Variants in MAGI2 observed in about 807,000 individuals in gnomAD.
The protein encoded by MAGI2 is membrane-associated guanylate kinase, WW and PDZ domain-containing protein 2.
In MAGI2, 35 loss-of-function variants were observed where a neutral mutation model predicts 133.3. The ratio of observed to expected loss-of-function variants is 0.26; its 90% CI spans 0.20 to 0.35. MAGI2 has a LOEUF of 0.35. Among genes scored for constraint, MAGI2 ranks in the 10% least tolerant of loss-of-function variants. MAGI2 has a pLI of 1.00. For synonymous variants in MAGI2, 729 were observed against 710.6 expected, an observed-to-expected ratio of 1.03 and a Z score of -0.41; for missense variants, 1,636 against 1,863.4, an observed-to-expected ratio of 0.88 and a Z score of 2.25.
intron 2 of MAGI2, among the ~76,000 whole-genome samples, chr7:78,985,805 C>A (rs867536419): frequency 6.6e-6 from 1 of 152,008 alleles, no homozygotes; most frequent in Non-Finnish European, 1.5e-5. Context: ...TAAGTCATGG[C>A]AGAATAATTA....
intron 2 of MAGI2, among the ~76,000 whole-genome samples, chr7:78,781,557 G>A (rs566964974): frequency 3.3e-5 from 5 of 152,020 alleles, no homozygotes; most frequent in African/African-American, 1.2e-4. Context: ...TATTGAGGGA[G>A]AAAATGGGAA....
intron 3 of MAGI2, among the ~76,000 whole-genome samples, chr7:78,552,249 T>G (rs950386116): frequency 1.4e-5 from 2 of 144,458 alleles, no homozygotes; most frequent in Non-Finnish European, 3.0e-5. Context: ...AATGGCGCGA[T>G]CTCAGCTCAC....
chr7:79,409,019 A>G (rs931677796), intron 1 of MAGI2, among the ~76,000 whole-genome samples: 1 of 152,140 alleles, frequency 6.6e-6, no homozygotes, highest in Non-Finnish European at 1.5e-5. Context: ...GATTTATTTC[A>G]GACATAAATC....
intron 4 of MAGI2, among the ~76,000 whole-genome samples, chr7:78,515,685 G>A (rs565780598): frequency 1.3e-5 from 2 of 152,310 alleles, no homozygotes; most frequent in African/African-American, 4.8e-5. Flanking sequence ...TGGATCACCT[G>A]AGGTCAGGAT....
chr7:78,115,136 G>A (rs1490106003), intron 20 of MAGI2, among the ~76,000 whole-genome samples: 2 of 152,156 alleles, frequency 1.3e-5, no homozygotes, highest in Non-Finnish European at 2.9e-5. Context: ...ACAAAAGGCA[G>A]CTTGTAGCCA....
chr7:78,634,916 T>C (rs1244561757), intron 2 of MAGI2, among the ~76,000 whole-genome samples: 2 of 152,144 alleles, frequency 1.3e-5, no homozygotes, highest in African/African-American at 2.4e-5. Flanking sequence ...TTATAATTTA[T>C]ATATTTTATT....
intron 1 of MAGI2, among the ~76,000 whole-genome samples, chr7:79,262,974 T>G (rs1002244122): frequency 1.3e-5 from 2 of 152,200 alleles, no homozygotes; most frequent in African/African-American, 4.8e-5. Context: ...CTGCCATTGA[T>G]GTAGCATTTT....
At chr7:78,278,693 T>A (rs763613063) in intron 9 of MAGI2, among the ~76,000 whole-genome samples, 59 of 152,300 alleles carry the variant, frequency 3.9e-4, no homozygotes, top group Non-Finnish European at 6.3e-4. Context: ...TCTCATCCAA[T>A]CAGTTGAAAG....
intron 2 of MAGI2, among the ~76,000 whole-genome samples, chr7:78,812,438 C>T: frequency 6.6e-6 from 1 of 152,136 alleles, no homozygotes; most frequent in East Asian, 1.9e-4. Context: ...AATCACAATG[C>T]ACACGTCTTC....
intron 1 of MAGI2, among the ~76,000 whole-genome samples, chr7:79,015,957 C>G (rs973106925): frequency 6.2e-5 from 8 of 128,864 alleles, no homozygotes; most frequent in South Asian, 2.4e-4. Context: ...GGGAACCCTG[C>G]AAAGGGAGTT....
chr7:78,777,823 C>T (rs1057182717), intron 2 of MAGI2, among the ~76,000 whole-genome samples: 5 of 152,126 alleles, frequency 3.3e-5, no homozygotes, highest in African/African-American at 1.2e-4. Flanking sequence ...ATGCTTTCTC[C>T]TTAATTAGTC....
At chr7:79,076,979 A>C (rs950517443) in intron 1 of MAGI2, among the ~76,000 whole-genome samples, 11 of 152,182 alleles carry the variant, frequency 7.2e-5, no homozygotes, top group African/African-American at 2.2e-4. Context: ...AAATTCTCAG[A>C]TTCTTTACTT....
At chr7:78,658,831 G>A (rs891286454) in intron 2 of MAGI2, among the ~76,000 whole-genome samples, 1 of 152,134 alleles carries the variant, frequency 6.6e-6, no homozygotes, top group Non-Finnish European at 1.5e-5. Context: ...TGGAGAACCT[G>A]GATCACTCAT....
At chr7:78,227,338 G>C (rs1447723706) in intron 10 of MAGI2, among the ~76,000 whole-genome samples, 1 of 152,134 alleles carries the variant, frequency 6.6e-6, no homozygotes, top group African/African-American at 2.4e-5. Flanking sequence ...GGCCCTACCG[G>C]AGGATCTGTC....
At chr7:78,768,109 T>C (rs1825214193) in intron 2 of MAGI2, among the ~76,000 whole-genome samples, 2 of 152,236 alleles carry the variant, frequency 1.3e-5, no homozygotes, top group South Asian at 2.1e-4. Flanking sequence ...CTGGTTTAAA[T>C]ATGAGTGCCA....
intron 1 of MAGI2, among the ~76,000 whole-genome samples, chr7:79,145,638 C>T (rs938509999): frequency 2.0e-5 from 3 of 152,082 alleles, no homozygotes; most frequent in Non-Finnish European, 4.4e-5. Context: ...AACCAATGCT[C>T]GTGTTCACAT....
intron 3 of MAGI2, among the ~76,000 whole-genome samples, chr7:78,611,263 TTCTTTA>T (rs1409912196): frequency 6.6e-6 from 1 of 152,218 alleles, no homozygotes; most frequent in Non-Finnish European, 1.5e-5. Flanking sequence ...GATAAAGCAT[TTCTTTA>T]TAACAGGCCA....
chr7:78,029,958 A>C (rs1036181534), intron 21 of MAGI2, among the ~76,000 whole-genome samples: 9 of 152,188 alleles, frequency 5.9e-5, no homozygotes, highest in African/African-American at 2.2e-4. Flanking sequence ...TAGGGCACTC[A>C]GTCACTTGGA....
At chr7:78,282,739 A>T (rs919300264) in intron 9 of MAGI2, among the ~76,000 whole-genome samples, 1 of 152,090 alleles carries the variant, frequency 6.6e-6, no homozygotes, top group African/African-American at 2.4e-5. Context: ...GGGTGATTCA[A>T]CTGATCAATC....
Sources: allele counts gnomAD v4.1 joint callset (sites outside exome capture counted in the v4.1 genomes callset), GRCh38; gene constraint gnomAD v4.1.1; transcripts MANE v1.5; gene names NCBI Gene and HGNC (gene_info 2026-07-23, HGNC 2026-07-21).